Variants in ZNF652 observed in about 807,000 individuals in gnomAD.
ZNF652 encodes the protein zinc finger protein 652.
ZNF652 carries 16 observed loss-of-function variants against 45.2 expected under a neutral mutation model. That is an observed-to-expected ratio of 0.35 (90% CI 0.24 to 0.54). ZNF652 has a LOEUF of 0.54. ZNF652 is among the 20% of genes least tolerant of loss of function. ZNF652 has a pLI of 0.91. For missense variants in ZNF652, 614 were observed against 765.6 expected (o/e 0.80, Z 2.34); for synonymous variants, 250 against 260.6 (o/e 0.96, Z 0.39).
At chr17:49,322,067 T>C (rs557630461) in intron 1 of ZNF652, among the ~76,000 whole-genome samples, 1 of 152,338 alleles carries the variant, frequency 6.6e-6, no homozygotes, top group Admixed American at 6.5e-5. Flanking sequence ...TAATTCAGTC[T>C]TGAGGCAAGG....
At chr17:49,347,426 G>A (rs746083737) in intron 1 of ZNF652, among the ~76,000 whole-genome samples, 5 of 152,084 alleles carry the variant, frequency 3.3e-5, no homozygotes, top group East Asian at 3.9e-4. Context: ...CTAGCTGGGC[G>A]TGATGGCACG....
At position 49,294,033 on chromosome 17, in the gene ZNF652, T is replaced by C. The variant is rs1314643667; in HGVS notation, c.*4380A>G. On this transcript the variant is annotated 3_prime_UTR_variant, in exon 6 of 6. Transcript: ENST00000430262. ...GTTTTACTAACTGAAACCTGCAAGA[T>C]GGGGTAAATATACATATATCTGCAA... 6.6e-6 allele frequency among the ~76,000 whole-genome samples: 1 copy of C among 152,152 alleles called. No individual in the cohort carries two copies. The highest frequency in any genetic ancestry group is 1.9e-4 in the East Asian group (1 of 5,200).
intron 1 of ZNF652, among the ~76,000 whole-genome samples, chr17:49,343,162 G>A (rs548671891): frequency 1.4e-4 from 21 of 152,262 alleles, no homozygotes; most frequent in African/African-American, 4.6e-4. Flanking sequence ...GATTACAGGC[G>A]TGGGCCACCG....
intron 1 of ZNF652, among the ~76,000 whole-genome samples, chr17:49,356,981 C>G (rs2070343985): frequency 6.7e-6 from 1 of 149,660 alleles, no homozygotes. Context: ...GGTAATCAAT[C>G]ACTTGAACTA....
Position 49,312,714 on chromosome 17 carries a change from C to G in ZNF652, c.1032G>C (p.Val344=). The G allele has an allele frequency of 6.2e-7, 1 of 1,613,562 alleles. No individual in the cohort carries two copies. The highest frequency in any genetic ancestry group is 8.5e-7 in the Non-Finnish European group (1 of 1,179,888). ...CEKKFYTMAH[V]RKHMVAHTKD... ...AAAACTTACCAACCATGTGTTTCCG[C>G]ACATGAGCCATGGTATAGAATTTCT... The change falls in exon 3 of 6, where the codon GTG becomes GTC. Residue 344 remains valine, a synonymous_variant. Transcript: ENST00000430262.
chr17:49,341,169 G>A (rs2070141336), intron 1 of ZNF652, among the ~76,000 whole-genome samples: 1 of 152,050 alleles, frequency 6.6e-6, no homozygotes, highest in Non-Finnish European at 1.5e-5. Flanking sequence ...TGAGAGTCGA[G>A]ATCAGGCCAC....
intron 1 of ZNF652, among the ~76,000 whole-genome samples, chr17:49,342,730 C>G (rs907691119): frequency 6.6e-6 from 1 of 152,038 alleles, no homozygotes; most frequent in Non-Finnish European, 1.5e-5. Flanking sequence ...GAACATGTGA[C>G]AATTTAATGA....
At chr17:49,350,481 G>C (rs550587794) in intron 1 of ZNF652, among the ~76,000 whole-genome samples, 93 of 151,102 alleles carry the variant, frequency 6.2e-4, no homozygotes, top group African/African-American at 2.1e-3. Flanking sequence ...AGAGGTGGCA[G>C]TGAGCCGAGA....
chr17:49,300,181 G>C (rs1165509336), intron 5 of ZNF652, among the ~76,000 whole-genome samples: 2 of 152,174 alleles, frequency 1.3e-5, no homozygotes, highest in African/African-American at 4.8e-5. Flanking sequence ...TGAGTGCTAT[G>C]GCATTTCTGC....
intron 1 of ZNF652, among the ~76,000 whole-genome samples, chr17:49,327,755 ATATATATATATATATATATATATATTTT>A (rs1234290850): frequency 8.8e-5 from 1 of 11,330 alleles, no homozygotes; most frequent in African/African-American, 2.4e-4. Context: ...ATATATATAT[ATATATATATATATATATATATATATTTT>A]TTTTTTTTTT....
At position 49,292,023 on chromosome 17, in the gene ZNF652, T is replaced by A. The variant is rs2069410645; in HGVS notation, c.*6390A>T. On this transcript the variant is annotated 3_prime_UTR_variant, in exon 6 of 6. Transcript: ENST00000430262. ...CAGACAGGAAAGATGGAGAATGTAT[T>A]AACAGCTGCCTTCTTAGATACCCAC... Among the ~76,000 whole-genome samples, 1 of 152,126 alleles carries A rather than the reference T, an allele frequency of 6.6e-6. No individual in the cohort carries two copies. The highest frequency in any genetic ancestry group is 2.1e-4 in the South Asian group (1 of 4,834).
At chr17:49,309,700 G>C (rs937232398) in intron 5 of ZNF652, among the ~76,000 whole-genome samples, 2 of 152,022 alleles carry the variant, frequency 1.3e-5, no homozygotes, top group African/African-American at 4.8e-5. Flanking sequence ...CTATCCACTT[G>C]GCTATATCTT....
chr17:49,326,215 T>C (rs1447446651), intron 1 of ZNF652, among the ~76,000 whole-genome samples: 1 of 130,594 alleles, frequency 7.7e-6, no homozygotes, highest in Non-Finnish European at 1.6e-5. Flanking sequence ...GAGACCAGCC[T>C]GGGCAACATA....
At chr17:49,351,036 C>CAA (rs2070276632) in intron 1 of ZNF652, among the ~76,000 whole-genome samples, 2 of 133,308 alleles carry the variant, frequency 1.5e-5, no homozygotes, top group Non-Finnish European at 3.1e-5. Context: ...CACACACACA[C>CAA]ACACACACAC....
chr17:49,316,619 G>T (rs900739248), intron 2 of ZNF652, among the ~76,000 whole-genome samples: 9 of 152,128 alleles, frequency 5.9e-5, no homozygotes, highest in Non-Finnish European at 1.3e-4. Context: ...GTGTGCCTGG[G>T]TTCCCACTAG....
In ZNF652 at chr17:49,311,988, C is replaced by T; in HGVS notation, c.1103G>A (p.Arg368His). ...GGAGTGCACCTTGAGTGACATACTG[C>T]GTTTGAATGATTTTCCACAGGTTTC... ...TCETCGKSFK[R>H]SMSLKVHSLQ... is the part of the protein sequence containing the mutation. Residue 368 changes from arginine (R) to histidine (H), a missense_variant, in exon 4 of 6, where the codon CGC (arginine) becomes CAC (histidine). Coordinates refer to ENST00000430262, the MANE Select transcript of ZNF652 (RefSeq NM_001145365.3). The T allele has an allele frequency of 1.2e-6, 2 of 1,613,826 alleles. No homozygotes were observed. The highest frequency in any genetic ancestry group is 1.1e-5 in the South Asian group (1 of 91,056).
chr17:49,344,184 G>C (rs1404512906), intron 1 of ZNF652, among the ~76,000 whole-genome samples: 2 of 147,676 alleles, frequency 1.4e-5, no homozygotes, highest in African/African-American at 5.0e-5. Context: ...CTGGGGGACA[G>C]AGCGAGACTC....
In ZNF652 at chr17:49,293,517, C is replaced by CT. The variant is rs2069430504; in HGVS notation, c.*4895dup. Among the ~76,000 whole-genome samples, 1 of 151,990 alleles carries CT rather than the reference C, an allele frequency of 6.6e-6. No homozygotes were observed. Among genetic ancestry groups the CT allele is most frequent in the South Asian group, 2.1e-4 (1 of 4,828 alleles). ...AAGTGTAGAGAGGATCTCTGGTTTG[C>CT]TTTATCGAGGTAGTGTCCAGGGTTG... On this transcript the variant is annotated 3_prime_UTR_variant, in exon 6 of 6. Transcript: ENST00000430262.
At chr17:49,322,910 A>C (rs1346583629) in intron 1 of ZNF652, among the ~76,000 whole-genome samples, 1 of 152,120 alleles carries the variant, frequency 6.6e-6, no homozygotes, top group Admixed American at 6.5e-5. Context: ...AAATGTTAAA[A>C]ATGTTAGCGA....
Sources: allele counts gnomAD v4.1 joint callset (sites outside exome capture counted in the v4.1 genomes callset), GRCh38; gene constraint gnomAD v4.1.1; transcripts MANE v1.5; gene names NCBI Gene and HGNC (gene_info 2026-07-23, HGNC 2026-07-21).